EYS: variants seen among roughly 807,000 people sequenced by gnomAD.
EYS encodes the protein EGF-like photoreceptor maintenance factor, also known as protein eyes shut homolog.
In EYS, 250 loss-of-function variants were observed where a neutral mutation model predicts 282.1. That is an observed-to-expected ratio of 0.89 (90% CI 0.80 to 0.98). The LOEUF (loss-of-function observed/expected upper bound fraction) is 0.98. Ranked by LOEUF, EYS falls within the 50% of genes least tolerant of loss-of-function variation. EYS has a pLI of 0.00. For missense variants in EYS, 4,016 were observed against 3,709.0 expected (o/e 1.08, Z -2.15); for synonymous variants, 1,355 against 1,282.9 (o/e 1.06, Z -1.20).
intron 22 of EYS, among the ~76,000 whole-genome samples, chr6:64,642,695 T>C (rs918395297): frequency 2.6e-5 from 4 of 152,234 alleles, no homozygotes; most frequent in African/African-American, 9.6e-5. Context: ...GTCCAGCTAA[T>C]GCATTACTAA....
At chr6:65,512,946 G>A (rs1287108134) in intron 2 of EYS, among the ~76,000 whole-genome samples, 2 of 152,014 alleles carry the variant, frequency 1.3e-5, no homozygotes, top group Non-Finnish European at 2.9e-5. Flanking sequence ...AATCAGAGCA[G>A]AACTGAAGGA....
At chr6:64,070,565 A>T (rs1771537428) in intron 32 of EYS, among the ~76,000 whole-genome samples, 1 of 152,060 alleles carries the variant, frequency 6.6e-6, no homozygotes, top group African/African-American at 2.4e-5. Context: ...GTCATGTCTG[A>T]ATAACCATAC....
intron 35 of EYS, among the ~76,000 whole-genome samples, chr6:63,865,118 A>C (rs1772640733): frequency 6.6e-6 from 1 of 152,176 alleles, no homozygotes. Flanking sequence ...GGTGCCAATC[A>C]TAGTGTATAG....
At chr6:64,293,663 T>A (rs1327987776) in intron 30 of EYS, among the ~76,000 whole-genome samples, 2 of 151,932 alleles carry the variant, frequency 1.3e-5, no homozygotes, top group East Asian at 1.9e-4. Flanking sequence ...TTGTAGTTAA[T>A]TTTTTTTAAC....
intron 35 of EYS, among the ~76,000 whole-genome samples, chr6:63,959,843 C>T (rs539621837): frequency 6.6e-6 from 1 of 152,162 alleles, no homozygotes; most frequent in East Asian, 1.9e-4. Context: ...GAACAACACA[C>T]ACCATGGCCT....
At chr6:64,692,991 T>TTTTTTTTTTTTG in intron 22 of EYS, among the ~76,000 whole-genome samples, 1 of 66,592 alleles carries the variant, frequency 1.5e-5, no homozygotes, top group Non-Finnish European at 3.7e-5. Flanking sequence ...TTTTTTTTTT[T>TTTTTTTTTTTTG]TTTTTTTTGG....
intron 33 of EYS, among the ~76,000 whole-genome samples, chr6:64,058,348 TGTTTCCAAGGATTGA>T (rs1771055027): frequency 6.6e-6 from 1 of 151,862 alleles, no homozygotes; most frequent in Non-Finnish European, 1.5e-5. Context: ...TTGAGAAAAA[TGTTTCCAAGGATTGA>T]GCTCTACCAC....
chr6:65,007,387 ATTC>A (rs1346550046), intron 13 of EYS, among the ~76,000 whole-genome samples: 2 of 152,170 alleles, frequency 1.3e-5, no homozygotes, highest in African/African-American at 4.8e-5. Context: ...AATGACTTAT[ATTC>A]TTCTGCAGTA....
intron 26 of EYS, among the ~76,000 whole-genome samples, chr6:64,505,252 G>A (rs1777172828): frequency 6.6e-6 from 1 of 152,092 alleles, no homozygotes; most frequent in African/African-American, 2.4e-5. Flanking sequence ...ATAATTATAT[G>A]TGTTCCTCAC....
At chr6:64,134,635 A>T (rs549107622) in intron 31 of EYS, among the ~76,000 whole-genome samples, 5 of 152,160 alleles carry the variant, frequency 3.3e-5, no homozygotes, top group Non-Finnish European at 4.4e-5. Flanking sequence ...GGTGTGGTGG[A>T]TGGAAGGGAA....
At chr6:64,523,049 G>T (rs1398013798) in intron 26 of EYS, among the ~76,000 whole-genome samples, 8 of 148,570 alleles carry the variant, frequency 5.4e-5, no homozygotes, top group African/African-American at 2.0e-4. Flanking sequence ...TTTATGAGCT[G>T]TTTTTTTTTT....
chr6:65,507,393 G>A (rs1023978384), intron 2 of EYS, among the ~76,000 whole-genome samples: 1 of 152,088 alleles, frequency 6.6e-6, no homozygotes. Flanking sequence ...CATGCCTAGA[G>A]AAATTTTTTT....
intron 22 of EYS, among the ~76,000 whole-genome samples, chr6:64,630,544 G>T (rs1301357717): frequency 6.6e-6 from 1 of 152,166 alleles, no homozygotes; most frequent in East Asian, 1.9e-4. Flanking sequence ...ATATGATAAT[G>T]ATTGATACAG....
chr6:65,065,273 T>TTA (rs1411600664), intron 12 of EYS, among the ~76,000 whole-genome samples: 3 of 152,306 alleles, frequency 2.0e-5, no homozygotes, highest in African/African-American at 7.2e-5. Context: ...CTAGAAATAC[T>TTA]TACTTCCCAG....
At position 65,447,357 on chromosome 6, in the gene EYS, T is replaced by G. The variant is rs1422206582; in HGVS notation, c.863-41990A>C. Among the ~76,000 whole-genome samples, 9 of 140,734 alleles carry G rather than the reference T, an allele frequency of 6.4e-5. No homozygotes were observed. The East Asian group carries it at 1.1e-3, about 17-fold the overall frequency. 92.3% of individuals were successfully genotyped at this position (140,734 alleles called of 152,430 possible). A position where few individuals can be genotyped will look rare whatever the true frequency, so the allele number is the denominator to read the frequency against. On this transcript the variant is annotated intron_variant, in intron 5 of 42. Coordinates refer to ENST00000503581, the MANE Select transcript of EYS (RefSeq NM_001142800.2). ...GTATATATATATATAAATATATGTA[T>G]ATAGTTATATATATAAATATATGTA... is the stretch of plus-strand genomic sequence containing the variant.
intron 29 of EYS, among the ~76,000 whole-genome samples, chr6:64,331,375 G>A (rs181541034): frequency 1.6e-4 from 25 of 152,260 alleles, no homozygotes; most frequent in Admixed American, 1.1e-3. Flanking sequence ...GGCGTGACGA[G>A]GCTAGAGGAA....
intron 14 of EYS, among the ~76,000 whole-genome samples, chr6:64,996,683 T>C (rs546909940): frequency 1.3e-5 from 2 of 152,324 alleles, no homozygotes; most frequent in African/African-American, 4.8e-5. Context: ...GTTACAGTTA[T>C]TCCATTAGGT....
At chr6:65,488,521 G>C (rs1765900016) in intron 5 of EYS, among the ~76,000 whole-genome samples, 1 of 152,160 alleles carries the variant, frequency 6.6e-6, no homozygotes, top group Non-Finnish European at 1.5e-5. Flanking sequence ...TGGATAGGAA[G>C]AATCAATATC....
At chr6:64,106,414 C>T (rs1179278689) in intron 31 of EYS, among the ~76,000 whole-genome samples, 1 of 151,972 alleles carries the variant, frequency 6.6e-6, no homozygotes, top group Non-Finnish European at 1.5e-5. Flanking sequence ...AAGAATAATT[C>T]TGCAGATACA....
Sources: allele counts gnomAD v4.1 joint callset (sites outside exome capture counted in the v4.1 genomes callset), GRCh38; gene constraint gnomAD v4.1.1; transcripts MANE v1.5; gene names NCBI Gene and HGNC (gene_info 2026-07-23, HGNC 2026-07-21).